The following TMEM63A variants were observed in gnomAD, a reference collection of about 807,000 sequenced individuals.
TMEM63A encodes the protein transmembrane protein 63A.
In TMEM63A, 76 loss-of-function variants were observed where a neutral mutation model predicts 100.6. The observed-to-expected ratio is 0.76, with a 90% CI of 0.63 to 0.91. TMEM63A has a LOEUF of 0.91. Among genes scored for constraint, TMEM63A ranks in the 40% least tolerant of loss-of-function variants. The pLI is 0.00. For missense variants in TMEM63A, 876 were observed against 1,008.8 expected (o/e 0.87, Z 1.78); for synonymous variants, 401 against 401.1 (o/e 1.00, Z 0.00).
chr1:225,843,794 T>G (rs1668646829), downstream of TMEM63A, among the ~76,000 whole-genome samples: 1 of 152,234 alleles, frequency 6.6e-6, no homozygotes, highest in Non-Finnish European at 1.5e-5. Context: ...TTGGCCAACT[T>G]GCAGAAATCC....
downstream of TMEM63A, chr1:225,844,716 A>C (rs1034794308): frequency 1.3e-5 from 21 of 1,570,532 alleles, no homozygotes; most frequent in African/African-American, 4.0e-5. Flanking sequence ...TGGTGGTGGG[A>C]TAAGTATAGC....
At chr1:225,864,269 G>C (rs1486451388) in intron 10 of TMEM63A, 1 of 152,226 alleles carries the variant, frequency 6.6e-6, no homozygotes, top group East Asian at 1.9e-4. Context: ...CTAGGTGCTG[G>C]TAACAGGGCC....
chr1:225,872,027 G>A lies in TMEM63A; in HGVS notation c.293C>T (p.Ser98Leu), dbSNP rs370710498. Residue 98 changes from serine (S) to leucine (L), a missense_variant, in exon 5 of 25, where the codon TCG (serine) becomes TTG (leucine). Ser to Leu is a moderately radical substitution (Grantham distance 145, BLOSUM62 -2). Transcript: ENST00000366835. ...GTCTTGTTGACCTGAGGAGGAAGTC[G>A]ATGACAATCTCTGAAATCTGGACTC... ...DSESRFQRLS[S>L]TSSSGQQDFE... 88 of 1,612,060 alleles carry A rather than the reference G, an allele frequency of 5.5e-5. No individual in the cohort carries two copies. In the South Asian group the frequency reaches 7.9e-4, roughly 14 times the overall value.
In TMEM63A at chr1:225,867,156, G is replaced by A. The variant is rs1670256833; in HGVS notation, c.522C>T (p.Asp174=). Residue 174 remains aspartate, a synonymous_variant, in exon 8 of 25, where the codon GAC becomes GAT. Coordinates refer to ENST00000366835, the MANE Select transcript of TMEM63A (RefSeq NM_014698.3). This position sits in a 1 kb window ranked among gnomAD's most constrained non-coding sequence, Gnocchi z 4.6. ...VNLSGDLLDK[D]PYSFGRTTIA... is the part of the protein sequence containing the mutation. Reference sequence around the variant, plus strand: ...TTGTTGTCCTCCCAAAACTATACGGGTCTTTGTCTGCAGAGAAGCACAGAT... The same window carrying A: ...TTGTTGTCCTCCCAAAACTATACGGATCTTTGTCTGCAGAGAAGCACAGAT... 6.2e-7 allele frequency: 1 copy of A among 1,614,014 alleles called. No homozygotes were observed. The highest frequency in any genetic ancestry group is 1.7e-5 in the Admixed American group (1 of 60,000).
chr1:225,874,818 T>A (rs1184397017), intron 3 of TMEM63A, among the ~76,000 whole-genome samples: 1 of 152,214 alleles, frequency 6.6e-6, no homozygotes, highest in Admixed American at 6.5e-5. Context: ...TCACTGCAAC[T>A]TCCCCTCCCG....
At chr1:225,872,235 A>G (rs914859504) in intron 4 of TMEM63A, among the ~76,000 whole-genome samples, 182 bp from the exon 5 acceptor site, 6 of 152,178 alleles carry the variant, frequency 3.9e-5, no homozygotes, top group African/African-American at 1.4e-4. Flanking sequence ...AAGGACAATG[A>G]CCATTCCCAG....
intron 3 of TMEM63A, among the ~76,000 whole-genome samples, chr1:225,876,811 C>T (rs1466113361): frequency 1.3e-5 from 2 of 152,092 alleles, no homozygotes; most frequent in Non-Finnish European, 2.9e-5. Context: ...CCACACCCGG[C>T]TAATTTTTTG....
rs1017801939 is a variant in TMEM63A, at chr1:225,853,280, C to T, written c.1797+349G>A. 2.0e-5 allele frequency among the ~76,000 whole-genome samples: 3 copies of T among 152,160 alleles called. No homozygotes were observed. Among genetic ancestry groups the T allele is most frequent in the Non-Finnish European group, 2.9e-5 (2 of 68,028 alleles). ...GAATCCTGGAATAAATGCCACAAGCCGAAAATGCCTTTGACATCTGGGGTT... is the reference window on the plus strand; with the variant it reads ...GAATCCTGGAATAAATGCCACAAGCTGAAAATGCCTTTGACATCTGGGGTT... On this transcript the variant is annotated intron_variant, in intron 19 of 24. Transcript: ENST00000366835. The surrounding 1 kb of genome is among the most constrained non-coding windows in gnomAD (Gnocchi z 4.0).
At chr1:225,854,969 CATAAG>C (rs536813661) in intron 18 of TMEM63A, among the ~76,000 whole-genome samples, 20 of 152,326 alleles carry the variant, frequency 1.3e-4, no homozygotes, top group African/African-American at 4.8e-4. Context: ...GCTGATAGAT[CATAAG>C]ATGAGGATTG....
intron 4 of TMEM63A, among the ~76,000 whole-genome samples, chr1:225,872,261 C>CT (rs1670545278): frequency 6.6e-6 from 1 of 152,152 alleles, no homozygotes; most frequent in Non-Finnish European, 1.5e-5. Flanking sequence ...GTATAAAACT[C>CT]TATGTTATAC....
Position 225,853,983 on chromosome 1 carries a change from C to T in TMEM63A, c.1635-192G>A, listed in dbSNP as rs141925217. The stretch of plus-strand genomic sequence containing the variant: ...CACTGAGAATAGAACAAAGCCCCTG[C>T]GCCACTCTCTTGAAGTTCACATTCT... On this transcript the variant is annotated intron_variant, in intron 18 of 24. Transcript: ENST00000366835. The surrounding 1 kb of genome is among the most constrained non-coding windows in gnomAD (Gnocchi z 4.0). 5.6e-4 allele frequency among the ~76,000 whole-genome samples: 85 copies of T among 152,270 alleles called. 2 individuals are homozygous for T. The highest frequency in any genetic ancestry group is 1.9e-3 in the African/African-American group (77 of 41,546).
chr1:225,856,520 G>A (rs1027835304), intron 17 of TMEM63A, 132 bp downstream of exon 17: 21 of 799,484 alleles, frequency 2.6e-5, no homozygotes, highest in South Asian at 3.3e-5. Flanking sequence ...ACTGCACGCC[G>A]AGTGGTTGCG....
At chr1:225,860,266 C>G (rs1010644055) in intron 14 of TMEM63A, 1 of 152,538 alleles carries the variant, frequency 6.6e-6, no homozygotes, top group Non-Finnish European at 1.5e-5. Context: ...GCTGGGTGCC[C>G]TTACCCTCAG....
chr1:225,868,755 G>A (rs1670345706), intron 6 of TMEM63A, among the ~76,000 whole-genome samples: 1 of 151,342 alleles, frequency 6.6e-6, no homozygotes, highest in African/African-American at 2.4e-5. Context: ...CCTGTTTCCT[G>A]TCTCCCCCTC....
At chr1:225,844,616 C>T (rs763218220), downstream of TMEM63A, 17 of 1,614,086 alleles carry the variant, frequency 1.1e-5, no homozygotes, top group South Asian at 1.5e-4. Flanking sequence ...GACCCAGAAG[C>T]ATGAGCGGTG....
In TMEM63A at chr1:225,862,666, AG is replaced by A; in HGVS notation, c.828-89del. 6.2e-7 allele frequency: 1 copy of A among 1,603,050 alleles called. No individual in the cohort carries two copies. The highest frequency in any genetic ancestry group is 8.5e-7 in the Non-Finnish European group (1 of 1,173,082). The stretch of plus-strand genomic sequence containing the variant: ...ACCCACAGTTCAACCATCGAACGCC[AG>A]GGGAGAAGGAGGGGTCCAGGGCCTC... On this transcript the variant is annotated intron_variant, in intron 11 of 24. Coordinates refer to ENST00000366835, the MANE Select transcript of TMEM63A (RefSeq NM_014698.3). This position sits in a 1 kb window ranked among gnomAD's most constrained non-coding sequence, Gnocchi z 5.1.
intron 21 of TMEM63A, among the ~76,000 whole-genome samples, chr1:225,849,242 A>T (rs1259574463): frequency 6.7e-6 from 1 of 148,372 alleles, no homozygotes; most frequent in Non-Finnish European, 1.5e-5. Flanking sequence ...GACTGGCATC[A>T]TCCCTGGTCA....
downstream of TMEM63A, among the ~76,000 whole-genome samples, chr1:225,841,884 A>G (rs543798209): frequency 8.5e-5 from 13 of 152,270 alleles, no homozygotes; most frequent in South Asian, 1.5e-3. Flanking sequence ...GATTACAGGC[A>G]TGAGCCAATG....
intron 15 of TMEM63A, 25 bp downstream of exon 15, chr1:225,859,171 G>A (rs763438639): frequency 6.2e-7 from 1 of 1,613,928 alleles, no homozygotes; most frequent in Non-Finnish European, 8.5e-7. Flanking sequence ...TATCCTGGGA[G>A]GGGCCTTGCA....
Sources: gnomAD v4.1 joint callset for allele counts (sites outside exome capture counted in the v4.1 genomes callset) on GRCh38, gnomAD v4.1.1 for gene constraint, Gnocchi (gnomAD v3.1) non-coding constraint, MANE v1.5 for transcripts, NCBI Gene and HGNC (gene_info 2026-07-23, HGNC 2026-07-21) for gene names.